The following ACOXL variants were observed in gnomAD, a reference collection of about 807,000 sequenced individuals.
ACOXL encodes acyl-coenzyme A oxidase-like protein.
In ACOXL, 70 loss-of-function variants were observed where a neutral mutation model predicts 71.9. The observed-to-expected ratio is 0.97, with a 90% CI of 0.80 to 1.19. The LOEUF is 1.19. Ranked by LOEUF, ACOXL falls within the 50% of genes most tolerant of loss-of-function variation. The pLI is 0.00. For missense variants in ACOXL, 703 were observed against 736.3 expected (o/e 0.95, Z 0.52); for synonymous variants, 253 against 281.6 (o/e 0.90, Z 1.02).
At chr2:110,868,078 A>T (rs1392562847) in intron 10 of ACOXL, among the ~76,000 whole-genome samples, 2 of 152,202 alleles carry the variant, frequency 1.3e-5, no homozygotes, top group African/African-American at 4.8e-5. Context: ...GCTATTCTTG[A>T]TAGAAATGCA....
At chr2:110,835,823 C>T (rs540283328) in intron 9 of ACOXL, among the ~76,000 whole-genome samples, 63 of 152,294 alleles carry the variant, frequency 4.1e-4, no homozygotes, top group African/African-American at 1.4e-3. Flanking sequence ...GTTTGTGACT[C>T]AGTAGGTCTG....
At chr2:110,850,734 C>T (rs1254606376) in intron 10 of ACOXL, among the ~76,000 whole-genome samples, 4 of 152,102 alleles carry the variant, frequency 2.6e-5, no homozygotes, top group Admixed American at 6.6e-5. Flanking sequence ...CGAAATGGTA[C>T]GGCCACTTTG....
At chr2:110,765,183 A>G (rs1408371453) in intron 1 of ACOXL, among the ~76,000 whole-genome samples, 1 of 152,084 alleles carries the variant, frequency 6.6e-6, no homozygotes, top group African/African-American at 2.4e-5. Context: ...GTAACCCATC[A>G]TTTCTCTCTA....
chr2:111,001,905 G>A (rs750204247), intron 14 of ACOXL, among the ~76,000 whole-genome samples: 1 of 152,148 alleles, frequency 6.6e-6, no homozygotes, highest in Non-Finnish European at 1.5e-5. Flanking sequence ...TGATTAGGAT[G>A]GGCTATGATG....
At chr2:110,951,781 A>T (rs888328116) in intron 12 of ACOXL, among the ~76,000 whole-genome samples, 4 of 152,210 alleles carry the variant, frequency 2.6e-5, no homozygotes, top group African/African-American at 9.6e-5. Flanking sequence ...ATGAATTTAC[A>T]TTAACAGATT....
intron 10 of ACOXL, among the ~76,000 whole-genome samples, chr2:110,871,699 C>A (rs1329965384): frequency 6.6e-6 from 1 of 152,134 alleles, no homozygotes; most frequent in African/African-American, 2.4e-5. Context: ...TCCCCGGGAA[C>A]CAGGAGCAGC....
At chr2:111,089,359 T>G (rs1249356603) in intron 16 of ACOXL, among the ~76,000 whole-genome samples, 2 of 152,200 alleles carry the variant, frequency 1.3e-5, no homozygotes, top group Non-Finnish European at 2.9e-5. Context: ...TGTCTTGATT[T>G]TGGCCAACAT....
chr2:110,898,182 A>C lies in ACOXL; in HGVS notation c.789-10607A>C, dbSNP rs1327022486. Reference sequence around the variant, plus strand: ...TTCCAGAAGAATTATTAATAGCAACAGTCTATACAACTCTTTTAGAAAACA... The same window carrying C: ...TTCCAGAAGAATTATTAATAGCAACCGTCTATACAACTCTTTTAGAAAACA... On this transcript the variant is annotated intron_variant, in intron 10 of 17. Coordinates refer to ENST00000439055, the MANE Select transcript of ACOXL (RefSeq NM_001142807.4). 3.6e-5 allele frequency among the ~76,000 whole-genome samples: 3 copies of C among 84,094 alleles called. No homozygotes were observed. The East Asian group carries it at 1.1e-3, about 30-fold the overall frequency. 55.2% of individuals were successfully genotyped at this position (84,094 alleles called of 152,430 possible).
intron 12 of ACOXL, among the ~76,000 whole-genome samples, chr2:110,980,613 C>T (rs925534013): frequency 1.3e-5 from 2 of 152,202 alleles, no homozygotes; most frequent in Non-Finnish European, 2.9e-5. Flanking sequence ...GCAGAGGTGG[C>T]TCATCTGGCA....
chr2:110,955,444 C>G (rs951530569), intron 12 of ACOXL, among the ~76,000 whole-genome samples: 1 of 151,678 alleles, frequency 6.6e-6, no homozygotes, highest in Admixed American at 6.6e-5. Flanking sequence ...CTCTCTCTCT[C>G]TCTCTCTCTC....
At chr2:111,033,194 G>A (rs998587007) in intron 15 of ACOXL, among the ~76,000 whole-genome samples, 5 of 152,284 alleles carry the variant, frequency 3.3e-5, no homozygotes, top group Non-Finnish European at 1.5e-5. Flanking sequence ...GAGGAGGAGC[G>A]AGGAGAGGGA....
In ACOXL at chr2:111,009,524, AAAAAG is replaced by A. The variant is rs1196530675; in HGVS notation, c.1281+13535_1281+13539del. On this transcript the variant is annotated intron_variant, in intron 14 of 17. Transcript: ENST00000439055. ...GCAAGACTCCGTCTCAAAAAAAAAA[AAAAAG>A]AAAAGAAAAGAAAATGGAGCTTGAG... 2.0e-5 allele frequency among the ~76,000 whole-genome samples: 3 copies of A among 151,910 alleles called. No homozygotes were observed. In the East Asian group the frequency reaches 5.8e-4, roughly 29 times the overall value.
rs531957627 is a variant in ACOXL at position 110,768,465 on chromosome 2, G to C, written c.75+1G>C. The C allele has an allele frequency of 6.2e-7, 1 of 1,610,074 alleles. No individual in the cohort carries two copies. Among genetic ancestry groups the C allele is most frequent in the South Asian group, 1.1e-5 (1 of 91,008 alleles). ...GTTAAAACGTGCAGGTCAGGATCTG[G>C]TAAGTGTCATTATTATTCTGGTATG... On this transcript the variant is annotated splice_donor_variant, in intron 2 of 17. Coordinates refer to ENST00000439055, the MANE Select transcript of ACOXL (RefSeq NM_001142807.4). LOFTEE classifies it high-confidence loss of function.
chr2:110,778,577 A>G (rs1430615696), intron 2 of ACOXL, among the ~76,000 whole-genome samples: 1 of 152,238 alleles, frequency 6.6e-6, no homozygotes, highest in African/African-American at 2.4e-5. Flanking sequence ...CTGAGGAGCC[A>G]TGTGGCCTTG....
intron 10 of ACOXL, among the ~76,000 whole-genome samples, chr2:110,858,112 A>C (rs1038106886): frequency 6.6e-6 from 1 of 152,170 alleles, no homozygotes; most frequent in African/African-American, 2.4e-5. Flanking sequence ...CTATCTGCCT[A>C]GTTACAGCCA....
intron 16 of ACOXL, among the ~76,000 whole-genome samples, chr2:111,058,470 A>C (rs1012327975): frequency 1.3e-5 from 2 of 152,238 alleles, no homozygotes; most frequent in African/African-American, 4.8e-5. Context: ...AAAGCCTAGC[A>C]GTCACACTGA....
chr2:110,792,779 A>G (rs1405506920), intron 3 of ACOXL, among the ~76,000 whole-genome samples: 1 of 152,170 alleles, frequency 6.6e-6, no homozygotes, highest in Non-Finnish European at 1.5e-5. Context: ...AGCCTGGGTG[A>G]AAGAGTGAGA....
intron 2 of ACOXL, among the ~76,000 whole-genome samples, chr2:110,773,812 C>T (rs976945050): frequency 7.2e-5 from 11 of 152,208 alleles, no homozygotes; most frequent in African/African-American, 2.2e-4. Flanking sequence ...CAGCCCTGGC[C>T]GCCTGGGATA....
chr2:110,908,731 T>C (rs1369544155), intron 10 of ACOXL, 58 bp from the exon 11 acceptor site: 3 of 1,359,204 alleles, frequency 2.2e-6, no homozygotes, highest in Non-Finnish European at 3.1e-6. Flanking sequence ...GCTCTGGAAA[T>C]GAAGTTACCT....
Sources: gnomAD v4.1 joint callset for allele counts (sites outside exome capture counted in the v4.1 genomes callset) on GRCh38, gnomAD v4.1.1 for gene constraint, MANE v1.5 for transcripts, NCBI Gene and HGNC (gene_info 2026-07-23, HGNC 2026-07-21) for gene names.